Variants in FAT1 observed in about 807,000 individuals in gnomAD.
FAT1 encodes protocadherin Fat 1.
FAT1 carries 171 observed loss-of-function variants against 329.8 expected under a neutral mutation model. The observed-to-expected ratio is 0.52, with a 90% CI of 0.46 to 0.59. FAT1 has a LOEUF of 0.59. Ranked by LOEUF, FAT1 falls within the 20% of genes least tolerant of loss-of-function variation. The probability of loss-of-function intolerance (pLI) is 0.00; values close to 1 mark genes in which losing one functional copy is unlikely to be tolerated. For missense variants in FAT1, 5,672 were observed against 5,774.4 expected, an observed-to-expected ratio of 0.98 and a Z score of 0.57; for synonymous variants, 2,233 against 2,228.6, an observed-to-expected ratio of 1.00 and a Z score of -0.06.
intron 16 of FAT1, among the ~76,000 whole-genome samples, 153 bp downstream of exon 16, chr4:186,609,030 T>G (rs1023500234): frequency 6.6e-6 from 1 of 152,218 alleles, no homozygotes; most frequent in Non-Finnish European, 1.5e-5. Flanking sequence ...GAGATCTTCA[T>G]AGTGTCATTG....
At chr4:186,702,568 T>TC (rs1744381263) in intron 2 of FAT1, among the ~76,000 whole-genome samples, 1 of 152,142 alleles carries the variant, frequency 6.6e-6, no homozygotes, top group African/African-American at 2.4e-5. Context: ...AACACCAACT[T>TC]CTATTCACAA....
At position 186,617,275 on chromosome 4, in the gene FAT1, T is replaced by G. The variant is rs1739758108; in HGVS notation, c.8879-74A>C. 9 of 1,041,556 alleles carry G rather than the reference T, an allele frequency of 8.6e-6. No homozygotes were observed. In the East Asian group the frequency reaches 2.3e-4, roughly 26 times the overall value. 64.5% of individuals were successfully genotyped at this position (1,041,556 alleles called of 1,614,324 possible). A position where few individuals can be genotyped will look rare whatever the true frequency, so the allele number is the denominator to read the frequency against. On this transcript the variant is annotated intron_variant, in intron 10 of 26. Transcript: ENST00000441802. ...AAAATAAGTAACAGAAAAAATAAAC[T>G]GTACAAAAGATGTATAATGTTATAG...
chr4:186,696,254 T>C (rs1215765139), intron 2 of FAT1, among the ~76,000 whole-genome samples: 1 of 152,238 alleles, frequency 6.6e-6, no homozygotes, highest in Admixed American at 6.5e-5. Flanking sequence ...TCAGTTTCCA[T>C]CTTCTAAATG....
chr4:186,606,145 G>A lies in FAT1; in HGVS notation c.10275C>T (p.Thr3425=), dbSNP rs762587284. ...TGACATCGGACACATCGATGTTCAC[G>A]GTCGTCGTGTTGACTCTGGGTGGAC... ...NGSPPRVNTT[T]VNIDVSDVND... The change falls in exon 17 of 27, where the codon ACC becomes ACT. Residue 3425 remains threonine, a synonymous_variant. Coordinates refer to ENST00000441802, the MANE Select transcript of FAT1 (RefSeq NM_005245.4). 1.4e-5 allele frequency: 22 copies of A among 1,613,230 alleles called. No individual in the cohort carries two copies. Among genetic ancestry groups the A allele is most frequent in the African/African-American group, 4.0e-5 (3 of 74,790 alleles).
chr4:186,613,096 T>G lies in FAT1; in HGVS notation c.9463+13A>C. 1.3e-6 allele frequency: 2 copies of G among 1,587,242 alleles called. No individual in the cohort carries two copies. Among genetic ancestry groups the G allele is most frequent in the Non-Finnish European group, 1.7e-6 (2 of 1,163,932 alleles). ...AGTGAGCAGCGTCAGGCAAGAGCAT[T>G]CCCGGGAGATACCTGCGTCGGCATC... is the stretch of plus-strand genomic sequence containing the variant. On this transcript the variant is annotated intron_variant, in intron 13 of 26. Coordinates refer to ENST00000441802, the MANE Select transcript of FAT1 (RefSeq NM_005245.4).
intron 1 of FAT1, among the ~76,000 whole-genome samples, chr4:186,711,633 A>G (rs1561013815): frequency 6.6e-6 from 1 of 152,170 alleles, no homozygotes; most frequent in Non-Finnish European, 1.5e-5. Context: ...ATACATATAA[A>G]GAGGCTGGTC....
intron 3 of FAT1, among the ~76,000 whole-genome samples, chr4:186,655,731 C>T (rs918346172): frequency 6.6e-6 from 1 of 152,150 alleles, no homozygotes; most frequent in African/African-American, 2.4e-5. Flanking sequence ...CCACACCCAG[C>T]CAAGGTGCTC....
Position 186,620,941 on chromosome 4 carries a change from G to A in FAT1, c.5645C>T (p.Pro1882Leu), listed in dbSNP as rs763882754. 6.2e-7 allele frequency: 1 copy of A among 1,613,948 alleles called. No homozygotes were observed. Among genetic ancestry groups the A allele is most frequent in the Non-Finnish European group, 8.5e-7 (1 of 1,179,902 alleles). Residue 1882 changes from proline (P) to leucine (L), a missense_variant, in exon 10 of 27, where the codon CCA becomes CTA. Pro to Leu is a moderately conservative substitution (Grantham distance 98). Transcript: ENST00000441802. Reference sequence around the variant, plus strand: ...TAACAAAAGAGATGCTTCATATAATGGCTTGGCAAACACAGGGGGGCAGTC... The same window carrying A: ...TAACAAAAGAGATGCTTCATATAATAGCTTGGCAAACACAGGGGGGCAGTC... ...INDCPPVFAK[P>L]LYEASLLLPT...
At position 186,708,674 on chromosome 4, in the gene FAT1, G is replaced by A. The variant is rs2126698206; in HGVS notation, c.1154C>T (p.Pro385Leu). 1.9e-6 allele frequency: 3 copies of A among 1,613,890 alleles called. No individual in the cohort carries two copies. The highest frequency in any genetic ancestry group is 2.5e-6 in the Non-Finnish European group (3 of 1,179,884). Residue 385 changes from proline (P) to leucine (L), a missense_variant, in exon 2 of 27, where the codon CCT (proline) becomes CTT (leucine). Coordinates refer to ENST00000441802, the MANE Select transcript of FAT1 (RefSeq NM_005245.4). ...AGGAATGGCCTTTACCATGACCACA[G>A]GTGTGTTGGGAGGAGCAAATTCACT... is the stretch of plus-strand genomic sequence containing the variant. Reference protein sequence around the residue: ...EISEFAPPNTPVVMVKAIPAY... With the variant: ...EISEFAPPNTLVVMVKAIPAY...
chr4:186,598,788 T>C (rs1738653870), intron 22 of FAT1: 1 of 152,264 alleles, frequency 6.6e-6, no homozygotes, highest in Non-Finnish European at 1.5e-5. Flanking sequence ...CTCTCAAACA[T>C]GTAAAGATTT....
chr4:186,685,231 T>C (rs1257050252), intron 2 of FAT1, among the ~76,000 whole-genome samples: 1 of 152,200 alleles, frequency 6.6e-6, no homozygotes, highest in Non-Finnish European at 1.5e-5. Context: ...GAAGAATAAG[T>C]CTTACATTTC....
chr4:186,670,517 C>CAA (rs1742680180), intron 2 of FAT1, among the ~76,000 whole-genome samples: 1 of 152,172 alleles, frequency 6.6e-6, no homozygotes. Flanking sequence ...CATCAACACA[C>CAA]TAGAGAGCCA....
chr4:186,619,965 G>A lies in FAT1; in HGVS notation c.6621C>T (p.Asn2207=), dbSNP rs2126510949. 1 of 1,614,014 alleles carries A rather than the reference G, an allele frequency of 6.2e-7. No homozygotes were observed. Among genetic ancestry groups the A allele is most frequent in the African/African-American group, 1.3e-5 (1 of 75,052 alleles). The change falls in exon 10 of 27, where the codon AAC becomes AAT. Residue 2207 remains asparagine, a synonymous_variant. Transcript: ENST00000441802. The part of the protein sequence containing the change: ...VHSPVVHVQA[N]SPEGLKVFYS... Reference sequence around the variant, plus strand: ...AGAACACTTTCAGGCCTTCCGGGCTGTTAGCCTGCACGTGGACCACAGGGC... The same window carrying A: ...AGAACACTTTCAGGCCTTCCGGGCTATTAGCCTGCACGTGGACCACAGGGC...
chr4:186,650,982 C>T (rs1410525859), intron 3 of FAT1, among the ~76,000 whole-genome samples: 2 of 151,446 alleles, frequency 1.3e-5, no homozygotes, highest in Non-Finnish European at 2.9e-5. Flanking sequence ...GAGAGGGCAA[C>T]ACAATTGGTC....
At position 186,620,815 on chromosome 4, in the gene FAT1, C is replaced by T. The variant is rs773488667; in HGVS notation, c.5771G>A (p.Gly1924Glu). 2 of 1,613,954 alleles carry T rather than the reference C, an allele frequency of 1.2e-6. No homozygotes were observed. The highest frequency in any genetic ancestry group is 1.7e-5 in the Admixed American group (1 of 60,032). Residue 1924 changes from glycine to glutamate, a missense_variant, in exon 10 of 27, where the codon GGG (glycine) becomes GAG (glutamate). Transcript: ENST00000441802. Reference sequence around the variant, plus strand: ...CTTGTAGTCCATAGAAAACTTCTCCCCGATGTTGCCTTCGGTGATGGAGTA... The same window carrying T: ...CTTGTAGTCCATAGAAAACTTCTCCTCGATGTTGCCTTCGGTGATGGAGTA... ...LIYSITEGNI[G>E]EKFSMDYKTG...
At chr4:186,717,253 T>C (rs890941338) in intron 1 of FAT1, among the ~76,000 whole-genome samples, 6 of 152,238 alleles carry the variant, frequency 3.9e-5, no homozygotes, top group African/African-American at 1.4e-4. Flanking sequence ...GAGTAGATCC[T>C]GTTTATTTTC....
chr4:186,674,052 G>A (rs771288067), intron 2 of FAT1, among the ~76,000 whole-genome samples: 3 of 152,206 alleles, frequency 2.0e-5, no homozygotes, highest in Non-Finnish European at 4.4e-5. Flanking sequence ...GCTTCTGGAA[G>A]TTTGTTTCAA....
At chr4:186,720,871 G>C (rs1466315883) in intron 1 of FAT1, among the ~76,000 whole-genome samples, 1 of 152,170 alleles carries the variant, frequency 6.6e-6, no homozygotes, top group African/African-American at 2.4e-5. Context: ...GGATAACATA[G>C]GAAAATAAAA....
chr4:186,708,222 G>C lies in FAT1; in HGVS notation c.1606C>G (p.Leu536Val), dbSNP rs888101917. The stretch of plus-strand genomic sequence containing the variant: ...CCCCAGTCTGATGCACGAATCCTCA[G>C]AGTATAAACCCGAGGCATCAGTTCG... ...DYELMPRVYTLRIRASDWGLP... is the reference protein window; with the variant it reads ...DYELMPRVYTVRIRASDWGLP... Residue 536 changes from leucine (L) to valine (V), a missense_variant, in exon 2 of 27, where the codon CTG (leucine) becomes GTG (valine). Leu to Val is a conservative substitution (Grantham distance 32). This residue lies in a region of FAT1 where 3,966 missense variants were observed against 3,915.2 expected (regional missense o/e 1.01). Transcript: ENST00000441802. 11 of 1,613,918 alleles carry C rather than the reference G, an allele frequency of 6.8e-6. No homozygotes were observed. The highest frequency in any genetic ancestry group is 9.3e-6 in the Non-Finnish European group (11 of 1,179,914).
Sources: allele counts gnomAD v4.1 joint callset (sites outside exome capture counted in the v4.1 genomes callset), GRCh38; gene constraint gnomAD v4.1.1; regional missense constraint gnomAD v4.1.1; transcripts MANE v1.5; gene names NCBI Gene and HGNC (gene_info 2026-07-23, HGNC 2026-07-21).